KLF7: variants seen among roughly 807,000 people sequenced by gnomAD.
The protein encoded by KLF7 is KLF transcription factor 7.
Under a neutral mutation model 27.3 loss-of-function variants are expected in KLF7, and 2 were observed. That is an observed-to-expected ratio of 0.07 (90% confidence interval 0.03 to 0.23). The LOEUF (loss-of-function observed/expected upper bound fraction) is 0.23. KLF7 is among the 10% of genes least tolerant of loss of function. The pLI is 1.00. For missense variants in KLF7, 221 were observed against 394.1 expected, an observed-to-expected ratio of 0.56 and a Z score of 3.72; for synonymous variants, 165 against 162.4, an observed-to-expected ratio of 1.02 and a Z score of -0.12.
chr2:207,113,616 G>GGC (rs1559131871), intron 2 of KLF7, among the ~76,000 whole-genome samples: 1 of 130,058 alleles, frequency 7.7e-6, no homozygotes, highest in Non-Finnish European at 1.7e-5. Flanking sequence ...GTGGGGGGGG[G>GGC]GGGGAAATGA....
At position 207,080,894 on chromosome 2, in the gene KLF7, C is replaced by T; in HGVS notation, c.*319G>A. 7.2e-6 allele frequency: 3 copies of T among 414,048 alleles called. No homozygotes were observed. Among genetic ancestry groups the T allele is most frequent in the Non-Finnish European group, 1.3e-5 (3 of 234,964 alleles). The allele number at this position is 414,048 out of a possible 1,614,324, so 25.6% of individuals were successfully genotyped here. A position where few individuals can be genotyped will look rare whatever the true frequency, so the allele number is the denominator to read the frequency against. On this transcript the variant is annotated 3_prime_UTR_variant, in exon 4 of 4. Coordinates refer to ENST00000309446, the MANE Select transcript of KLF7 (RefSeq NM_003709.4). ...CATTGGCAACAGCGGGAAATAATTCCAATAGTGCTGAAGTAAGCAGCCAGT... is the reference window on the plus strand; with the variant it reads ...CATTGGCAACAGCGGGAAATAATTCTAATAGTGCTGAAGTAAGCAGCCAGT...
intron 1 of KLF7, among the ~76,000 whole-genome samples, chr2:207,156,568 T>C (rs1356673355): frequency 2.0e-5 from 3 of 152,224 alleles, no homozygotes; most frequent in Admixed American, 6.5e-5. Flanking sequence ...ATGAATTGTT[T>C]GAAACCCAGC....
the KLF7 span, among the ~76,000 whole-genome samples, chr2:207,172,993 C>G: frequency 4.6e-4 from 70 of 150,722 alleles, 1 homozygote; most frequent in South Asian, 0.012. Context: ...TTTTTGTGTA[C>G]TGACTTTTTC....
chr2:207,115,872 T>C (rs1405471917), intron 2 of KLF7, among the ~76,000 whole-genome samples: 1 of 152,180 alleles, frequency 6.6e-6, no homozygotes, highest in South Asian at 2.1e-4. Flanking sequence ...ACCACAACAG[T>C]CTACAGTGTA....
At chr2:207,104,970 C>A (rs1559123886) in intron 2 of KLF7, among the ~76,000 whole-genome samples, 1 of 152,192 alleles carries the variant, frequency 6.6e-6, no homozygotes, top group Admixed American at 6.5e-5. Flanking sequence ...AACTCATCTA[C>A]CCTCCCCTAG....
Position 207,124,411 on chromosome 2 carries a change from G to T in KLF7, c.103-7C>A. The T allele has an allele frequency of 6.5e-7, 1 of 1,540,850 alleles. No homozygotes were observed. Among genetic ancestry groups the T allele is most frequent in the Non-Finnish European group, 8.8e-7 (1 of 1,141,188 alleles). ...GTTCCAATTCAAGGCATGTCTGCAA[G>T]AGGAAGAAGGAGGGAGAGAAACAGC... On this transcript the variant is annotated splice_polypyrimidine_tract_variant and splice_region_variant and intron_variant, in intron 1 of 3. Transcript: ENST00000309446.
chr2:207,133,258 C>T (rs902441338), intron 1 of KLF7, among the ~76,000 whole-genome samples: 5 of 152,180 alleles, frequency 3.3e-5, no homozygotes, highest in African/African-American at 1.2e-4. Context: ...CTGCTTTGGT[C>T]ATTACACTTC....
At chr2:207,155,889 T>C (rs2078368483) in intron 1 of KLF7, among the ~76,000 whole-genome samples, 3 of 152,352 alleles carry the variant, frequency 2.0e-5, no homozygotes, top group South Asian at 4.1e-4. Context: ...CTCCTTTGTA[T>C]GCTGAGCAAA....
At chr2:207,169,112 C>CA (rs1278575284), upstream of KLF7, among the ~76,000 whole-genome samples, 1 of 152,144 alleles carries the variant, frequency 6.6e-6, no homozygotes, top group African/African-American at 2.4e-5. Context: ...TGGGTAAAAG[C>CA]AGATTAGAAT....
intron 1 of KLF7, among the ~76,000 whole-genome samples, chr2:207,132,141 G>C (rs1002737564): frequency 1.3e-5 from 2 of 152,120 alleles, no homozygotes; most frequent in African/African-American, 2.4e-5. Context: ...TAGACAGTAT[G>C]AGTGAAAATC....
intron 1 of KLF7, among the ~76,000 whole-genome samples, chr2:207,132,427 G>C (rs1224874559): frequency 2.6e-5 from 4 of 152,146 alleles, no homozygotes; most frequent in Non-Finnish European, 4.4e-5. Flanking sequence ...AAACATGAAA[G>C]CTGAAAAATT....
intron 1 of KLF7, among the ~76,000 whole-genome samples, chr2:207,147,164 G>A (rs879742275): frequency 2.0e-5 from 3 of 152,166 alleles, no homozygotes; most frequent in Admixed American, 6.5e-5. Context: ...CAATTGTACT[G>A]TAATTATAGA....
intron 2 of KLF7, among the ~76,000 whole-genome samples, chr2:207,092,332 G>GGTGAGGCA (rs2105882945): frequency 6.6e-6 from 1 of 152,330 alleles, no homozygotes; most frequent in East Asian, 1.9e-4. Context: ...CCAGAGGGTG[G>GGTGAGGCA]GTGAGGCAGT....
At chr2:207,153,587 G>A (rs2078303643) in intron 1 of KLF7, among the ~76,000 whole-genome samples, 1 of 151,580 alleles carries the variant, frequency 6.6e-6, no homozygotes. Context: ...AGCAAAGTGA[G>A]AAAAATAACT....
intron 2 of KLF7, among the ~76,000 whole-genome samples, chr2:207,119,013 C>G (rs1345421699): frequency 6.6e-6 from 1 of 152,204 alleles, no homozygotes; most frequent in Non-Finnish European, 1.5e-5. Flanking sequence ...ATGTAAAATG[C>G]TAAGCAAATT....
At chr2:207,166,780 C>G, upstream of KLF7, 1 of 992,244 alleles carries the variant, frequency 1.0e-6, no homozygotes, top group Non-Finnish European at 1.2e-6. Flanking sequence ...GAAAAGGCAT[C>G]CAGGGCCCCT....
At position 207,079,780 on chromosome 2, in the gene KLF7, T is replaced by C. The variant is rs1450138452; in HGVS notation, c.*1433A>G. 6.6e-6 allele frequency: 1 copy of C among 151,972 alleles called. No individual in the cohort carries two copies. Among genetic ancestry groups the C allele is most frequent in the African/African-American group, 2.4e-5 (1 of 41,352 alleles). 9.4% of individuals were successfully genotyped at this position (151,972 alleles called of 1,614,324 possible). The stretch of plus-strand genomic sequence containing the variant: ...AAAAAAGGAAAGAAAGAAACGTGTC[T>C]CTCCTTTTAGACAGCCCATGAGAGA... On this transcript the variant is annotated 3_prime_UTR_variant, in exon 4 of 4. Transcript: ENST00000309446.
chr2:207,151,750 AC>A (rs2078253420), intron 1 of KLF7, among the ~76,000 whole-genome samples: 2 of 149,436 alleles, frequency 1.3e-5, no homozygotes, highest in Non-Finnish European at 3.0e-5. Flanking sequence ...ACACACACAC[AC>A]AAAATAGTAA....
At chr2:207,149,163 G>C in intron 1 of KLF7, 1 of 1,287,640 alleles carries the variant, frequency 7.8e-7, no homozygotes, top group Non-Finnish European at 1.0e-6. Context: ...ATAAGAAACT[G>C]GTGTGTTTTC....
Sources: gnomAD v4.1 joint callset for allele counts (sites outside exome capture counted in the v4.1 genomes callset) on GRCh38, gnomAD v4.1.1 for gene constraint, MANE v1.5 for transcripts, NCBI Gene and HGNC (gene_info 2026-07-23, HGNC 2026-07-21) for gene names.